The following BST1 variants were observed in gnomAD, a reference collection of about 807,000 sequenced individuals.
BST1 encodes bone marrow stromal cell antigen 1, also known as ADP-ribosyl cyclase/cyclic ADP-ribose hydrolase 2.
Under a neutral mutation model 40.6 loss-of-function variants are expected in BST1, and 49 were observed. That is an observed-to-expected ratio of 1.21 (90% CI 0.96 to 1.53). The LOEUF (loss-of-function observed/expected upper bound fraction) is 1.53, where lower values mean the gene tolerates loss of function less well. BST1 is among the 40% of genes most tolerant of loss of function. BST1 has a pLI of 0.00. For synonymous variants in BST1, 157 were observed against 159.3 expected, an observed-to-expected ratio of 0.99 and a Z score of 0.11; for missense variants, 423 against 395.9, an observed-to-expected ratio of 1.07 and a Z score of -0.58.
chr4:15,707,855 CTATATA>C (rs1553863514), intron 3 of BST1, among the ~76,000 whole-genome samples: 1 of 128,630 alleles, frequency 7.8e-6, no homozygotes. Context: ...CTCTCTCTCT[CTATATA>C]TATATATATA....
chr4:15,711,660 T>G (rs569124225), intron 3 of BST1, 147 bp from the exon 4 acceptor site: 2 of 633,498 alleles, frequency 3.2e-6, no homozygotes, highest in Non-Finnish European at 5.6e-6. Flanking sequence ...GTGGATTGAG[T>G]GGGAAGAACT....
chr4:15,714,127 C>T (rs1720379508), intron 4 of BST1, among the ~76,000 whole-genome samples: 1 of 152,086 alleles, frequency 6.6e-6, no homozygotes. Context: ...AAAGGCAACC[C>T]GTTTAGCATA....
downstream of BST1, among the ~76,000 whole-genome samples, chr4:15,735,066 C>G (rs1721505229): frequency 6.6e-6 from 1 of 152,198 alleles, no homozygotes. Context: ...GCTTGGTGCT[C>G]TACCCAGACG....
At chr4:15,768,580 G>A in the BST1 span, among the ~76,000 whole-genome samples, 1 of 143,990 alleles carries the variant, frequency 6.9e-6, no homozygotes, top group African/African-American at 2.6e-5. Context: ...TGCAAGCTCC[G>A]CTTCCCGGGT....
At chr4:15,772,218 C>G in the BST1 span, among the ~76,000 whole-genome samples, 2 of 152,158 alleles carry the variant, frequency 1.3e-5, no homozygotes, top group East Asian at 3.8e-4. Flanking sequence ...TTTCATTTCA[C>G]AAGCTGGAAA....
intron 8 of BST1, chr4:15,731,167 A>G (rs1476041847): frequency 1.5e-5 from 6 of 407,860 alleles, no homozygotes; most frequent in Non-Finnish European, 2.3e-5. Flanking sequence ...GAAATTGATT[A>G]CGGACTTCAT....
chr4:15,705,990 C>G (rs1719862478), intron 2 of BST1, among the ~76,000 whole-genome samples: 1 of 152,114 alleles, frequency 6.6e-6, no homozygotes, highest in African/African-American at 2.4e-5. Flanking sequence ...GAGCAGGTGT[C>G]TTACATGGCA....
Position 15,727,998 on chromosome 4 carries a change from C to T in BST1, c.852-3742C>T, listed in dbSNP as rs948291692. Among the ~76,000 whole-genome samples, 5 of 151,502 alleles carry T rather than the reference C, an allele frequency of 3.3e-5. No homozygotes were observed. In the South Asian group the frequency reaches 1.0e-3, roughly 32 times the overall value. ...GAATAATCCAAGGGGAAAAAACCAA[C>T]CTTAGCGCTTATAGGTTATAATATT... is the stretch of plus-strand genomic sequence containing the variant. On this transcript the variant is annotated intron_variant, in intron 8 of 8. Transcript: ENST00000265016.
chr4:15,703,689 ATGTG>A (rs371100446), intron 1 of BST1, among the ~76,000 whole-genome samples: 12 of 70,562 alleles, frequency 1.7e-4, no homozygotes, highest in Admixed American at 1.2e-3. Context: ...CTAGAGGTGG[ATGTG>A]TGTGTGTGTG....
chr4:15,717,496 G>A (rs1720578809), intron 6 of BST1, among the ~76,000 whole-genome samples: 1 of 152,156 alleles, frequency 6.6e-6, no homozygotes, highest in Non-Finnish European at 1.5e-5. Flanking sequence ...GTGAAAGTGG[G>A]CAAGAATCAC....
At chr4:15,755,245 T>G in the BST1 span, among the ~76,000 whole-genome samples, 1 of 152,174 alleles carries the variant, frequency 6.6e-6, no homozygotes, top group African/African-American at 2.4e-5. Context: ...TTCAAGTGAT[T>G]CTCCTGCCTC....
chr4:15,707,371 G>A (rs953376176), intron 2 of BST1, 140 bp from the exon 3 acceptor site: 9 of 939,648 alleles, frequency 9.6e-6, no homozygotes, highest in Admixed American at 4.4e-5. Context: ...TAAAGACAAC[G>A]AAAAAGAACG....
At chr4:15,711,496 G>C (rs1312667027) in intron 3 of BST1, among the ~76,000 whole-genome samples, 1 of 152,116 alleles carries the variant, frequency 6.6e-6, no homozygotes, top group East Asian at 1.9e-4. Context: ...AAACATTGTT[G>C]AGAAATAACC....
intron 6 of BST1, among the ~76,000 whole-genome samples, chr4:15,718,281 A>G (rs1720620851): frequency 6.6e-6 from 1 of 151,286 alleles, no homozygotes; most frequent in African/African-American, 2.4e-5. Flanking sequence ...CTGTGTATAC[A>G]CACACACACA....
chr4:15,767,309 A>AT, the BST1 span, among the ~76,000 whole-genome samples: 925 of 145,954 alleles, frequency 6.3e-3, 2 homozygotes, highest in East Asian at 0.018. Flanking sequence ...CTTTTTATCA[A>AT]TTTTTTTTTT....
intron 7 of BST1, among the ~76,000 whole-genome samples, chr4:15,722,363 C>T (rs1204602032): frequency 6.6e-6 from 1 of 152,154 alleles, no homozygotes; most frequent in African/African-American, 2.4e-5. Context: ...ATGATCCTTA[C>T]AAAAGATATA....
chr4:15,703,622 G>C (rs1476995305), intron 1 of BST1, among the ~76,000 whole-genome samples: 1 of 139,212 alleles, frequency 7.2e-6, no homozygotes, highest in Non-Finnish European at 1.6e-5. Context: ...GTGTGTTCTA[G>C]AGGTGAGGGG....
the BST1 span, among the ~76,000 whole-genome samples, chr4:15,749,878 T>C: frequency 5.3e-3 from 803 of 152,186 alleles, 6 homozygotes; most frequent in African/African-American, 0.018. Context: ...ATAATTGTTA[T>C]TATTGACTAT....
chr4:15,770,636 G>A, the BST1 span, among the ~76,000 whole-genome samples: 1 of 152,126 alleles, frequency 6.6e-6, no homozygotes, highest in Admixed American at 6.5e-5. Flanking sequence ...GGAGGCAGAG[G>A]TTGCGGTGAG....
Sources: allele counts gnomAD v4.1 joint callset (sites outside exome capture counted in the v4.1 genomes callset), GRCh38; gene constraint gnomAD v4.1.1; transcripts MANE v1.5; gene names NCBI Gene and HGNC (gene_info 2026-07-23, HGNC 2026-07-21).